The following PSME4 variants were observed in gnomAD, a reference collection of about 807,000 sequenced individuals.
PSME4 encodes the protein proteasome activator subunit 4.
PSME4 carries 89 observed loss-of-function variants against 253.9 expected under a neutral mutation model. The ratio of observed to expected loss-of-function variants is 0.35; its 90% confidence interval spans 0.30 to 0.42. PSME4 has a LOEUF of 0.42. Among genes scored for constraint, PSME4 ranks in the 10% least tolerant of loss-of-function variants. The probability of loss-of-function intolerance (pLI) is 1.00; values close to 1 mark genes in which losing one functional copy is unlikely to be tolerated. For missense variants in PSME4, 2,014 were observed against 2,195.2 expected (o/e 0.92, Z 1.65); for synonymous variants, 851 against 759.2 (o/e 1.12, Z -1.99).
At chr2:53,917,920 T>C (rs571366289) in intron 20 of PSME4, among the ~76,000 whole-genome samples, 1 of 152,354 alleles carries the variant, frequency 6.6e-6, no homozygotes, top group East Asian at 1.9e-4. Flanking sequence ...TTAAAAAGAA[T>C]TCGGCAAATT....
At chr2:53,928,327 T>A in intron 10 of PSME4, 24 bp from the exon 11 acceptor site, 2 of 1,584,646 alleles carry the variant, frequency 1.3e-6, no homozygotes, top group Non-Finnish European at 1.7e-6. Context: ...ACAGAATTTT[T>A]AAAGTCTCCA....
intron 1 of PSME4, 114 bp downstream of exon 1, chr2:53,970,429 G>T: frequency 6.7e-7 from 1 of 1,492,918 alleles, no homozygotes; most frequent in Non-Finnish European, 8.9e-7. Flanking sequence ...CTCGGGGACA[G>T]CTCCAGCGAG....
chr2:53,970,678 T>A lies in PSME4; in HGVS notation c.107A>T (p.Lys36Met). The A allele has an allele frequency of 6.5e-7, 1 of 1,550,100 alleles. No homozygotes were observed. The highest frequency in any genetic ancestry group is 8.7e-7 in the Non-Finnish European group (1 of 1,146,870). Residue 36 changes from lysine to methionine, a missense_variant, in exon 1 of 47, where the codon AAG (lysine) becomes ATG (methionine). Coordinates refer to ENST00000404125, the MANE Select transcript of PSME4 (RefSeq NM_014614.3). ...TAGCCGCTCCGCGTAGGGCAGCAGC[T>A]TGTTGTAGACGATCTCCTTCTGCGG... ...FVPQKEIVYN[K>M]LLPYAERLDA...
intron 36 of PSME4, among the ~76,000 whole-genome samples, chr2:53,892,158 A>G (rs2104427163): frequency 6.6e-6 from 1 of 152,338 alleles, no homozygotes; most frequent in South Asian, 2.1e-4. Flanking sequence ...CTTGTAGGCA[A>G]AAGTGTTTGC....
intron 34 of PSME4, among the ~76,000 whole-genome samples, chr2:53,894,255 C>A (rs549595789): frequency 3.9e-4 from 59 of 152,192 alleles, no homozygotes; most frequent in African/African-American, 1.4e-3. Flanking sequence ...CTTAAAAACC[C>A]TTTCTCAACT....
chr2:53,891,997 G>A (rs1679931051), intron 36 of PSME4, among the ~76,000 whole-genome samples: 1 of 152,108 alleles, frequency 6.6e-6, no homozygotes, highest in Admixed American at 6.6e-5. Context: ...ATTTCCAGTG[G>A]CAGCACTGTT....
chr2:53,909,461 A>T (rs886134103), intron 21 of PSME4, among the ~76,000 whole-genome samples: 1 of 152,214 alleles, frequency 6.6e-6, no homozygotes, highest in African/African-American at 2.4e-5. Context: ...AAGTGCTAGA[A>T]TAATTTTAAA....
At chr2:53,898,633 GCACACACACA>G (rs199900623) in intron 29 of PSME4, among the ~76,000 whole-genome samples, 39 of 142,504 alleles carry the variant, frequency 2.7e-4, no homozygotes, top group African/African-American at 7.7e-4. Flanking sequence ...ATTGGGAGTG[GCACACACACA>G]CACACACACA....
chr2:53,921,499 C>A (rs925585508), intron 17 of PSME4, among the ~76,000 whole-genome samples: 16 of 149,550 alleles, frequency 1.1e-4, no homozygotes, highest in Non-Finnish European at 1.9e-4. Context: ...CCCGCCTCGG[C>A]CTCCCAAAGT....
intron 38 of PSME4, 25 bp from the exon 39 acceptor site, chr2:53,888,014 A>T (rs1282457307): frequency 6.3e-7 from 1 of 1,592,984 alleles, no homozygotes; most frequent in South Asian, 1.1e-5. Flanking sequence ...TCGTAGTGTT[A>T]TATTGGAGGC....
At position 53,939,151 on chromosome 2, in the gene PSME4, T is replaced by A. The variant is rs189345307; in HGVS notation, c.545+805A>T. Among the ~76,000 whole-genome samples, 500 of 152,272 alleles carry A rather than the reference T, an allele frequency of 3.3e-3. 2 individuals carry two copies. The highest frequency in any genetic ancestry group is 6.1e-3 in the Non-Finnish European group (412 of 68,016). ...TGCTTGAGAGACAGATATCTCATAT[T>A]CCGAAAATACATTTGCCCAACATTG... On this transcript the variant is annotated intron_variant, in intron 4 of 46. Coordinates refer to ENST00000404125, the MANE Select transcript of PSME4 (RefSeq NM_014614.3).
At chr2:53,929,187 C>T (rs1344370116) in intron 10 of PSME4, among the ~76,000 whole-genome samples, 1 of 151,682 alleles carries the variant, frequency 6.6e-6, no homozygotes, top group Non-Finnish European at 1.5e-5. Context: ...AAAAGAACAT[C>T]AACTGATAGA....
chr2:53,885,012 T>C (rs1182527621), intron 41 of PSME4, among the ~76,000 whole-genome samples: 1 of 152,222 alleles, frequency 6.6e-6, no homozygotes, highest in Non-Finnish European at 1.5e-5. Context: ...ACTGTACTGA[T>C]GAATAATGTC....
At chr2:53,959,373 G>C in intron 1 of PSME4, among the ~76,000 whole-genome samples, 1 of 151,928 alleles carries the variant, frequency 6.6e-6, no homozygotes, top group Non-Finnish European at 1.5e-5. Context: ...TCAAAAAAAA[G>C]AGGGGGGAAA....
intron 38 of PSME4, 84 bp from the exon 39 acceptor site, chr2:53,888,073 T>C: frequency 7.3e-7 from 1 of 1,370,020 alleles, no homozygotes; most frequent in Non-Finnish European, 9.6e-7. Flanking sequence ...TATCTGTATT[T>C]CACTTAAAGC....
chr2:53,928,385 A>G (rs1668667672), intron 10 of PSME4, 82 bp from the exon 11 acceptor site: 4 of 1,126,682 alleles, frequency 3.6e-6, no homozygotes, highest in Admixed American at 2.6e-5. Context: ...ATAAATTCAT[A>G]AACTGCACTT....
At chr2:53,883,277 G>A (rs986116188) in intron 41 of PSME4, among the ~76,000 whole-genome samples, 3 of 152,168 alleles carry the variant, frequency 2.0e-5, no homozygotes, top group Non-Finnish European at 2.9e-5. Context: ...ACTTTGGAAG[G>A]CTACGGTGGG....
At chr2:53,888,228 G>C in intron 38 of PSME4, 1 of 339,528 alleles carries the variant, frequency 2.9e-6, no homozygotes, top group Non-Finnish European at 5.2e-6. Context: ...ACTGACTTAA[G>C]AATACTCACT....
intron 3 of PSME4, among the ~76,000 whole-genome samples, chr2:53,940,964 T>TATATAATACATATTTAA (rs1558413892): frequency 4.3e-5 from 2 of 46,338 alleles, no homozygotes; most frequent in Admixed American, 2.8e-4. Context: ...TATATATATA[T>TATATAATACATATTTAA]ATATATATAT....
Sources: gnomAD v4.1 joint callset for allele counts (sites outside exome capture counted in the v4.1 genomes callset) on GRCh38, gnomAD v4.1.1 for gene constraint, MANE v1.5 for transcripts, NCBI Gene and HGNC (gene_info 2026-07-23, HGNC 2026-07-21) for gene names.